Variants in FAF1 observed in about 807,000 individuals in gnomAD.
FAF1 encodes FAS-associated factor 1.
In FAF1, 25 loss-of-function variants were observed where a neutral mutation model predicts 92.5. The observed-to-expected ratio is 0.27, with a 90% CI of 0.20 to 0.38. The LOEUF (loss-of-function observed/expected upper bound fraction) is 0.38. Among genes scored for constraint, FAF1 ranks in the 10% least tolerant of loss-of-function variants. The pLI, the probability that FAF1 is intolerant of heterozygous loss-of-function variation, is 1.00. For missense variants in FAF1, 636 were observed against 793.3 expected, an observed-to-expected ratio of 0.80 and a Z score of 2.38; for synonymous variants, 234 against 273.2, an observed-to-expected ratio of 0.86 and a Z score of 1.42.
chr1:50,624,398 C>T (rs746953898), intron 8 of FAF1, among the ~76,000 whole-genome samples: 6 of 152,162 alleles, frequency 3.9e-5, no homozygotes, highest in Non-Finnish European at 8.8e-5. Context: ...CTGCCCGCCT[C>T]GGCCTCCCAA....
chr1:50,703,459 T>TCTAA (rs1393097347), intron 7 of FAF1, among the ~76,000 whole-genome samples: 2 of 152,088 alleles, frequency 1.3e-5, no homozygotes, highest in African/African-American at 4.8e-5. Flanking sequence ...ACATCCTTTA[T>TCTAA]CTAAGTTGTA....
At chr1:50,637,975 A>C (rs1017750591) in intron 8 of FAF1, among the ~76,000 whole-genome samples, 1 of 151,968 alleles carries the variant, frequency 6.6e-6, no homozygotes, top group African/African-American at 2.4e-5. Context: ...TAATTTTGTT[A>C]ATTTCTCTCC....
rs538305991 is a variant in FAF1, at chr1:50,734,048, C to T, written c.551+4815G>A. On this transcript the variant is annotated intron_variant, in intron 6 of 18. Coordinates refer to ENST00000396153, the MANE Select transcript of FAF1 (RefSeq NM_007051.3). ...TTGACCTCAAGCAATCCACTCACCT[C>T]GGCCTCTCAAAGTGTTGGGAATACA... Among the ~76,000 whole-genome samples the T allele has an allele frequency of 4.6e-5, 7 of 152,338 alleles. No individual in the cohort carries two copies. The East Asian group carries it at 1.2e-3, about 25-fold the overall frequency.
At chr1:50,818,724 G>C (rs770739617) in intron 2 of FAF1, among the ~76,000 whole-genome samples, 3 of 151,940 alleles carry the variant, frequency 2.0e-5, no homozygotes, top group Non-Finnish European at 4.4e-5. Context: ...AATATGCGCA[G>C]ACCCACAATA....
intron 8 of FAF1, among the ~76,000 whole-genome samples, chr1:50,610,225 C>A (rs1030038489): frequency 6.6e-6 from 1 of 152,072 alleles, no homozygotes; most frequent in African/African-American, 2.4e-5. Context: ...CATATATGAT[C>A]CATATGATGA....
intron 6 of FAF1, among the ~76,000 whole-genome samples, chr1:50,729,346 C>T (rs1203649920): frequency 5.3e-5 from 8 of 151,470 alleles, no homozygotes; most frequent in Admixed American, 3.3e-4. Context: ...TGAGCCACCA[C>T]GCCCGGCCTA....
intron 6 of FAF1, among the ~76,000 whole-genome samples, chr1:50,722,133 T>G (rs1658435413): frequency 1.3e-5 from 2 of 152,222 alleles, no homozygotes; most frequent in Non-Finnish European, 2.9e-5. Context: ...CAATTGCTCA[T>G]CTATTCCTGA....
At chr1:50,512,779 A>G (rs375583993) in intron 15 of FAF1, among the ~76,000 whole-genome samples, 8 of 152,310 alleles carry the variant, frequency 5.3e-5, no homozygotes, top group Admixed American at 6.5e-5. Flanking sequence ...AAGAAAGTCA[A>G]TGGTAGCTAG....
intron 7 of FAF1, among the ~76,000 whole-genome samples, chr1:50,683,440 T>A (rs1219234510): frequency 6.6e-6 from 1 of 151,112 alleles, no homozygotes; most frequent in Non-Finnish European, 1.5e-5. Context: ...GGTGGGAGAA[T>A]CCCTTGAACT....
At chr1:50,722,241 ATTGAAATGAGACTTTATG>A (rs2124456185) in intron 6 of FAF1, among the ~76,000 whole-genome samples, 1 of 152,348 alleles carries the variant, frequency 6.6e-6, no homozygotes, top group Non-Finnish European at 1.5e-5. Flanking sequence ...AATGAACTAG[ATTGAAATGAGACTTTATG>A]TTGAGGACCA....
chr1:50,619,145 G>A (rs1653074619), intron 8 of FAF1, among the ~76,000 whole-genome samples: 1 of 152,166 alleles, frequency 6.6e-6, no homozygotes, highest in Admixed American at 6.5e-5. Context: ...TGTGAGATGT[G>A]TCTCTTGAAC....
rs61612294 is a variant in FAF1 at position 50,447,121 on chromosome 1, CTTT to C, written c.1870-5601_1870-5599del. On this transcript the variant is annotated intron_variant, in intron 18 of 18. Coordinates refer to ENST00000396153, the MANE Select transcript of FAF1 (RefSeq NM_007051.3). Reference sequence around the variant, plus strand: ...AGAGGCTTCTCAAAACATATTCCTGCTTTTTTTTTTTTTTTTTTTTTTGAGATG... The same window carrying C: ...AGAGGCTTCTCAAAACATATTCCTGCTTTTTTTTTTTTTTTTTTTGAGATG... Among the ~76,000 whole-genome samples, 520 of 112,824 alleles carry C rather than the reference CTTT, an allele frequency of 4.6e-3. 1 individual carries two copies. Among genetic ancestry groups the C allele is most frequent in the African/African-American group, 0.016 (424 of 26,900 alleles). The allele number at this position is 112,824 out of a possible 152,430, so 74.0% of individuals were successfully genotyped here.
chr1:50,715,840 G>GC (rs2124443804), intron 6 of FAF1, among the ~76,000 whole-genome samples: 2 of 152,288 alleles, frequency 1.3e-5, no homozygotes, highest in South Asian at 2.1e-4. Context: ...ATTAGGTATA[G>GC]CAAATTTTAA....
chr1:50,743,740 A>T (rs537245072), intron 5 of FAF1, among the ~76,000 whole-genome samples: 2 of 151,996 alleles, frequency 1.3e-5, no homozygotes, highest in East Asian at 3.9e-4. Flanking sequence ...GAACTAACTC[A>T]TTTTTTTTCC....
chr1:50,749,902 C>T (rs1203685260), intron 4 of FAF1, among the ~76,000 whole-genome samples: 2 of 151,928 alleles, frequency 1.3e-5, no homozygotes, highest in East Asian at 1.9e-4. Context: ...ACATAATTCA[C>T]GAAAAATGTT....
At chr1:50,560,484 G>T (rs887737930) in intron 13 of FAF1, among the ~76,000 whole-genome samples, 1 of 152,214 alleles carries the variant, frequency 6.6e-6, no homozygotes, top group African/African-American at 2.4e-5. Context: ...ACAATGCTAT[G>T]TGTATGTTAC....
chr1:50,603,265 G>A (rs1316856720), intron 8 of FAF1, among the ~76,000 whole-genome samples: 1 of 152,118 alleles, frequency 6.6e-6, no homozygotes, highest in Non-Finnish European at 1.5e-5. Flanking sequence ...TACCATACAT[G>A]ACAACTCTGT....
intron 4 of FAF1, among the ~76,000 whole-genome samples, chr1:50,762,063 A>G (rs1427193871): frequency 5.9e-5 from 9 of 152,218 alleles, no homozygotes; most frequent in Admixed American, 1.3e-4. Flanking sequence ...ACAGAGAGCC[A>G]AATCATGAGT....
chr1:50,612,309 T>C, intron 8 of FAF1: 1 of 1,166,606 alleles, frequency 8.6e-7, no homozygotes, highest in East Asian at 6.0e-5. Context: ...AATCTTCAGT[T>C]ACAATGAAAA....
Sources: gnomAD v4.1 joint callset for allele counts (sites outside exome capture counted in the v4.1 genomes callset) on GRCh38, gnomAD v4.1.1 for gene constraint, MANE v1.5 for transcripts, NCBI Gene and HGNC (gene_info 2026-07-23, HGNC 2026-07-21) for gene names.